Variants in CCBE1 observed in about 807,000 individuals in gnomAD.
The protein encoded by CCBE1 is collagen and calcium-binding EGF domain-containing protein 1.
CCBE1 carries 37 observed loss-of-function variants against 50.0 expected under a neutral mutation model. The ratio of observed to expected loss-of-function variants is 0.74; its 90% CI spans 0.57 to 0.97. The LOEUF (loss-of-function observed/expected upper bound fraction) is 0.97. Among genes scored for constraint, CCBE1 ranks in the 50% least tolerant of loss-of-function variants. CCBE1 has a pLI of 0.00. For synonymous variants in CCBE1, 234 were observed against 203.7 expected (o/e 1.15, Z -1.27); for missense variants, 538 against 523.8 (o/e 1.03, Z -0.26).
chr18:59,629,716 C>A (rs1378538483), intron 2 of CCBE1, among the ~76,000 whole-genome samples: 1 of 152,182 alleles, frequency 6.6e-6, no homozygotes, highest in African/African-American at 2.4e-5. Flanking sequence ...TCTCCGAGAG[C>A]CCTGGCTGGG....
At chr18:59,675,444 C>T (rs2054487963) in intron 2 of CCBE1, among the ~76,000 whole-genome samples, 3 of 152,188 alleles carry the variant, frequency 2.0e-5, no homozygotes, top group Non-Finnish European at 4.4e-5. Context: ...ATCTCTCTCC[C>T]CCACACATGG....
chr18:59,469,546 C>G lies in CCBE1; in HGVS notation c.327G>C (p.Val109=), dbSNP rs755432157. 6.2e-7 allele frequency: 1 copy of G among 1,614,112 alleles called. No homozygotes were observed. Among genetic ancestry groups the G allele is most frequent in the African/African-American group, 1.3e-5 (1 of 74,938 alleles). ...GGTATCCCGGATAACAAGTACACAG[C>G]ACTCGGCCAAAGTTGTCCGTGCACT... ...EQQCTDNFGR[V]LCTCYPGYRY... is the part of the protein sequence containing the mutation. The change falls in exon 4 of 11, where the codon GTG becomes GTC. Residue 109 remains valine (V), a synonymous_variant. Transcript: ENST00000439986.
At chr18:59,520,944 A>T (rs920545500) in intron 2 of CCBE1, among the ~76,000 whole-genome samples, 1 of 152,344 alleles carries the variant, frequency 6.6e-6, no homozygotes, top group South Asian at 2.1e-4. Context: ...TAAAAAGTTA[A>T]TACATTTTTG....
chr18:59,497,396 TAAC>T (rs1333703774), intron 2 of CCBE1, among the ~76,000 whole-genome samples: 2 of 152,106 alleles, frequency 1.3e-5, no homozygotes, highest in Non-Finnish European at 2.9e-5. Context: ...CATAAGTGTC[TAAC>T]AACATCACGC....
At chr18:59,538,403 AC>A (rs1455306127) in intron 2 of CCBE1, among the ~76,000 whole-genome samples, 2 of 152,210 alleles carry the variant, frequency 1.3e-5, no homozygotes, top group African/African-American at 4.8e-5. Context: ...TTATTGGGAT[AC>A]TTTGAAAAGG....
chr18:59,582,398 A>C (rs7229271), intron 2 of CCBE1, among the ~76,000 whole-genome samples: 1,649 of 152,336 alleles, frequency 0.011, 23 homozygotes, highest in African/African-American at 0.037. Flanking sequence ...TCAGCTGAGC[A>C]GGTACCAGTC....
At chr18:59,627,026 G>A (rs979683515) in intron 2 of CCBE1, among the ~76,000 whole-genome samples, 3 of 152,188 alleles carry the variant, frequency 2.0e-5, no homozygotes, top group African/African-American at 7.2e-5. Flanking sequence ...TGATTTAGTT[G>A]ATGATCCTGT....
chr18:59,466,591 T>A, intron 5 of CCBE1, 148 bp downstream of exon 5: 1 of 329,182 alleles, frequency 3.0e-6, no homozygotes, highest in Non-Finnish European at 4.9e-6. Context: ...ATACATTGTA[T>A]ATAAAATTAC....
At chr18:59,499,434 T>G (rs1431028599) in intron 2 of CCBE1, among the ~76,000 whole-genome samples, 1 of 152,004 alleles carries the variant, frequency 6.6e-6, no homozygotes, top group Non-Finnish European at 1.5e-5. Context: ...ACTAAGTAAT[T>G]TATACAGGAA....
chr18:59,561,474 G>A (rs2052737595), intron 2 of CCBE1, among the ~76,000 whole-genome samples: 1 of 152,200 alleles, frequency 6.6e-6, no homozygotes, highest in Non-Finnish European at 1.5e-5. Context: ...CAGTGACTCA[G>A]TGAGTTTAGA....
At chr18:59,658,429 A>G (rs1318100407) in intron 2 of CCBE1, among the ~76,000 whole-genome samples, 16 of 99,264 alleles carry the variant, frequency 1.6e-4, no homozygotes, top group African/African-American at 5.5e-4. Flanking sequence ...AGTTAGCTAC[A>G]TGGTGGCATG....
rs549108971 is a variant in CCBE1 at position 59,677,444 on chromosome 18, C to CA, written c.212+19184dup. Among the ~76,000 whole-genome samples the CA allele has an allele frequency of 3.0e-4, 46 of 152,146 alleles. 2 individuals carry two copies. The East Asian group carries it at 8.9e-3, about 29-fold the overall frequency. ...GTCTTTGAAATTTCTTGAAGACATC[C>CA]AAGCAAAGATCAAGTAGGCAACTGG... On this transcript the variant is annotated intron_variant, in intron 2 of 10. Coordinates refer to ENST00000439986, the MANE Select transcript of CCBE1 (RefSeq NM_133459.4).
At chr18:59,480,910 G>A (rs900464467) in intron 2 of CCBE1, among the ~76,000 whole-genome samples, 1 of 151,992 alleles carries the variant, frequency 6.6e-6, no homozygotes, top group African/African-American at 2.4e-5. Flanking sequence ...CCTACTAGAA[G>A]AAAAATATTT....
At chr18:59,686,124 A>AC (rs1457859256) in intron 2 of CCBE1, 1 of 152,228 alleles carries the variant, frequency 6.6e-6, no homozygotes, top group Non-Finnish European at 1.5e-5. Flanking sequence ...ATAACTCAGG[A>AC]CATTGTGGAC....
intron 3 of CCBE1, among the ~76,000 whole-genome samples, chr18:59,476,328 G>C (rs1322916103): frequency 6.6e-6 from 1 of 152,182 alleles, no homozygotes; most frequent in Non-Finnish European, 1.5e-5. Flanking sequence ...GGCAGGGACT[G>C]TGTCCCCTTG....
intron 2 of CCBE1, among the ~76,000 whole-genome samples, chr18:59,509,367 G>A (rs747872243): frequency 2.0e-5 from 3 of 152,050 alleles, no homozygotes; most frequent in African/African-American, 4.8e-5. Flanking sequence ...ACAATGGATA[G>A]CAATCTAGTC....
At position 59,515,615 on chromosome 18, in the gene CCBE1, G is replaced by A. The variant is rs1219834441; in HGVS notation, c.213-35377C>T. ...AAGTTTGATGAAAATTAATTAAATA[G>A]TAAGAAAAATTATTTTGGGGCAATA... On this transcript the variant is annotated intron_variant, in intron 2 of 10. Coordinates refer to ENST00000439986, the MANE Select transcript of CCBE1 (RefSeq NM_133459.4). Among the ~76,000 whole-genome samples, 5 of 152,180 alleles carry A rather than the reference G, an allele frequency of 3.3e-5. No homozygotes were observed. The South Asian group carries it at 1.0e-3, about 32-fold the overall frequency.
intron 2 of CCBE1, among the ~76,000 whole-genome samples, chr18:59,507,316 G>A (rs1913920562): frequency 6.6e-6 from 1 of 152,078 alleles, no homozygotes; most frequent in South Asian, 2.1e-4. Flanking sequence ...TTCTACAACT[G>A]CCACTACCTG....
At chr18:59,469,797 T>C (rs1411274717) in intron 3 of CCBE1, among the ~76,000 whole-genome samples, 190 bp from the exon 4 acceptor site, 1 of 152,212 alleles carries the variant, frequency 6.6e-6, no homozygotes. Flanking sequence ...ATGGGTAACT[T>C]ACATGGCATC....
Sources: allele counts gnomAD v4.1 joint callset (sites outside exome capture counted in the v4.1 genomes callset), GRCh38; gene constraint gnomAD v4.1.1; transcripts MANE v1.5; gene names NCBI Gene and HGNC (gene_info 2026-07-23, HGNC 2026-07-21).